PIWIL1: variants seen among roughly 807,000 people sequenced by gnomAD.
PIWIL1 encodes the protein piwi like RNA-mediated gene silencing 1, also known as piwi-like protein 1.
In PIWIL1, 73 loss-of-function variants were observed where a neutral mutation model predicts 114.4. The ratio of observed to expected loss-of-function variants is 0.64; its 90% CI spans 0.53 to 0.78. PIWIL1 has a LOEUF of 0.78. Ranked by LOEUF, PIWIL1 falls within the 30% of genes least tolerant of loss-of-function variation. The pLI is 0.00. For missense variants in PIWIL1, 723 were observed against 1,063.1 expected (o/e 0.68, Z 4.45); for synonymous variants, 375 against 369.0 (o/e 1.02, Z -0.19).
At chr12:130,339,858 C>T (rs1388039369) in intron 1 of PIWIL1, among the ~76,000 whole-genome samples, 1 of 152,184 alleles carries the variant, frequency 6.6e-6, no homozygotes, top group African/African-American at 2.4e-5. Context: ...AGATGCTGCC[C>T]GTCAGGGACC....
chr12:130,405,522 A>G, the PIWIL1 span, among the ~76,000 whole-genome samples: 1 of 152,170 alleles, frequency 6.6e-6, no homozygotes, highest in Non-Finnish European at 1.5e-5. Flanking sequence ...AGGGGCAGCT[A>G]CTTGTAAAGA....
At chr12:130,359,353 C>T (rs1354926968) in intron 14 of PIWIL1, among the ~76,000 whole-genome samples, 1 of 152,116 alleles carries the variant, frequency 6.6e-6, no homozygotes, top group Non-Finnish European at 1.5e-5. Context: ...GAAAGTAGGG[C>T]TTAGACATTT....
At chr12:130,375,847 C>T (rs1227930803), downstream of PIWIL1, among the ~76,000 whole-genome samples, 1 of 152,170 alleles carries the variant, frequency 6.6e-6, no homozygotes, top group Non-Finnish European at 1.5e-5. Flanking sequence ...GGCCATCCTC[C>T]AGCCAGACCT....
chr12:130,375,261 C>T (rs112646976), downstream of PIWIL1, among the ~76,000 whole-genome samples: 292 of 152,294 alleles, frequency 1.9e-3, 1 homozygote, highest in African/African-American at 6.4e-3. Context: ...CAAATAAACA[C>T]GGCTGGAGAA....
chr12:130,351,845 T>G (rs940629741), intron 9 of PIWIL1: 1 of 152,210 alleles, frequency 6.6e-6, no homozygotes, highest in Non-Finnish European at 1.5e-5. Context: ...TCCTCTACCT[T>G]CTGATCAATC....
the PIWIL1 span, among the ~76,000 whole-genome samples, chr12:130,411,936 T>C: frequency 6.6e-6 from 1 of 152,212 alleles, no homozygotes. Flanking sequence ...TTTTGAAGTA[T>C]TAAACCTTAA....
chr12:130,370,960 T>C (rs368161421), intron 19 of PIWIL1, among the ~76,000 whole-genome samples: 6 of 152,216 alleles, frequency 3.9e-5, no homozygotes, highest in African/African-American at 1.4e-4. Flanking sequence ...ATCAAAATCA[T>C]CATCTTTATG....
At chr12:130,398,305 G>T in the PIWIL1 span, 2 of 152,218 alleles carry the variant, frequency 1.3e-5, no homozygotes, top group African/African-American at 4.8e-5. Context: ...CATTCCTCTG[G>T]CCCTACCTCT....
intron 1 of PIWIL1, among the ~76,000 whole-genome samples, chr12:130,339,111 G>A (rs533418173): frequency 6.6e-6 from 1 of 152,188 alleles, no homozygotes; most frequent in African/African-American, 2.4e-5. Context: ...TGCGCCCCCG[G>A]GAGCCTTGGG....
At chr12:130,352,713 C>T (rs1434335506) in intron 9 of PIWIL1, among the ~76,000 whole-genome samples, 1 of 152,104 alleles carries the variant, frequency 6.6e-6, no homozygotes, top group African/African-American at 2.4e-5. Flanking sequence ...TGTTTGGCAC[C>T]TAAGAATATA....
intron 8 of PIWIL1, 95 bp downstream of exon 8, chr12:130,349,531 GA>G (rs2073157871): frequency 1.3e-5 from 11 of 839,046 alleles, no homozygotes; most frequent in Non-Finnish European, 1.9e-6. Flanking sequence ...GTTTAAAATT[GA>G]GTGGTGGGAA....
the PIWIL1 span, among the ~76,000 whole-genome samples, chr12:130,418,658 G>T: frequency 6.6e-6 from 1 of 152,180 alleles, no homozygotes; most frequent in East Asian, 1.9e-4. Context: ...GCATCAAAAC[G>T]TGCAGAGGGG....
intron 9 of PIWIL1, 89 bp from the exon 10 acceptor site, chr12:130,354,448 A>T: frequency 1.3e-6 from 2 of 1,545,650 alleles, no homozygotes; most frequent in Non-Finnish European, 8.8e-7. Context: ...TCAGCTCTTT[A>T]TTTTTTTAAA....
chr12:130,399,058 C>T, the PIWIL1 span: 2 of 859,004 alleles, frequency 2.3e-6, no homozygotes, highest in East Asian at 3.5e-5. Flanking sequence ...ACCACACTGG[C>T]CCGGTTAAGG....
intron 19 of PIWIL1, among the ~76,000 whole-genome samples, chr12:130,368,097 C>G (rs987129856): frequency 2.0e-5 from 3 of 152,106 alleles, no homozygotes; most frequent in Non-Finnish European, 2.9e-5. Flanking sequence ...CACGCCCAGC[C>G]GAAACTTGTT....
chr12:130,398,051 A>G, the PIWIL1 span: 1 of 152,718 alleles, frequency 6.5e-6, no homozygotes, highest in African/African-American at 2.4e-5. Flanking sequence ...AAAGAAAAAA[A>G]AAAACTAAAA....
chr12:130,371,069 A>T, intron 19 of PIWIL1, 107 bp from the exon 20 acceptor site: 1 of 886,958 alleles, frequency 1.1e-6, no homozygotes, highest in Non-Finnish European at 1.8e-6. Flanking sequence ...AGATGAGGTT[A>T]CTGTAGTAAC....
the PIWIL1 span, chr12:130,412,605 G>A: frequency 3.1e-6 from 5 of 1,611,044 alleles, no homozygotes; most frequent in South Asian, 4.4e-5. Context: ...GGTCGAATAG[G>A]GGTTTGCGCT....
At chr12:130,370,089 A>C (rs578173021) in intron 19 of PIWIL1, among the ~76,000 whole-genome samples, 1 of 152,172 alleles carries the variant, frequency 6.6e-6, no homozygotes, top group Non-Finnish European at 1.5e-5. Context: ...TCATTCTTTG[A>C]AAAGGTAGCT....
Sources: gnomAD v4.1 joint callset for allele counts (sites outside exome capture counted in the v4.1 genomes callset) on GRCh38, gnomAD v4.1.1 for gene constraint, MANE v1.5 for transcripts, NCBI Gene and HGNC (gene_info 2026-07-23, HGNC 2026-07-21) for gene names.